Variants in SMYD3 observed in about 807,000 individuals in gnomAD.
SMYD3 encodes histone-lysine N-methyltransferase SMYD3.
In SMYD3, 36 loss-of-function variants were observed where a neutral mutation model predicts 57.7. That is an observed-to-expected ratio of 0.62 (90% CI 0.48 to 0.82). The LOEUF is 0.82. Ranked by LOEUF, SMYD3 falls within the 40% of genes least tolerant of loss-of-function variation. The pLI is 0.00. For synonymous variants in SMYD3, 211 were observed against 195.0 expected (o/e 1.08, Z -0.68); for missense variants, 515 against 538.8 (o/e 0.96, Z 0.44).
chr1:245,817,295 C>G (rs961545012), intron 10 of SMYD3, among the ~76,000 whole-genome samples: 3 of 136,814 alleles, frequency 2.2e-5, no homozygotes, highest in East Asian at 2.1e-4. Context: ...ACACTGACAC[C>G]TCACATGGCA....
intron 10 of SMYD3, among the ~76,000 whole-genome samples, chr1:245,823,856 G>A (rs1393365758): frequency 6.6e-6 from 1 of 152,130 alleles, no homozygotes; most frequent in Non-Finnish European, 1.5e-5. Flanking sequence ...ACTCTGGCAG[G>A]GTATCAGGTA....
chr1:246,177,467 A>G (rs2062453691), intron 5 of SMYD3, among the ~76,000 whole-genome samples: 1 of 152,242 alleles, frequency 6.6e-6, no homozygotes, highest in Admixed American at 6.5e-5. Flanking sequence ...ATCCCACTCT[A>G]TAGAAAAGCA....
At chr1:246,490,284 C>A (rs1572052327) in intron 1 of SMYD3, among the ~76,000 whole-genome samples, 1 of 152,198 alleles carries the variant, frequency 6.6e-6, no homozygotes, top group East Asian at 1.9e-4. Flanking sequence ...ATCAGTAGTA[C>A]CAACTAAGAG....
chr1:245,915,666 G>A (rs41305945), intron 7 of SMYD3, 26 bp from the exon 8 acceptor site: 47,636 of 1,420,486 alleles, frequency 0.034, 2,341 homozygotes, highest in African/African-American at 0.14. Flanking sequence ...AGAGGGAAGC[G>A]CTGAAACATC....
intron 4 of SMYD3, among the ~76,000 whole-genome samples, chr1:246,327,931 C>G (rs903249669): frequency 6.6e-6 from 1 of 152,202 alleles, no homozygotes; most frequent in Non-Finnish European, 1.5e-5. Context: ...CCGTGACTCA[C>G]GCCTGTAACC....
In SMYD3 at chr1:246,202,612, A is replaced by G. The variant is rs931251058; in HGVS notation, c.531+124589T>C. On this transcript the variant is annotated intron_variant, in intron 5 of 11. Transcript: ENST00000490107. The surrounding 1 kb of genome is among the most constrained non-coding windows in gnomAD (Gnocchi z 4.1). ...AATGTGACGTATTAAATCCACGCAC[A>G]GTCTCAGAAATGCAATTCCTCCTTG... 1.3e-5 allele frequency among the ~76,000 whole-genome samples: 2 copies of G among 151,968 alleles called. No individual in the cohort carries two copies. Among genetic ancestry groups the G allele is most frequent in the Non-Finnish European group, 2.9e-5 (2 of 67,998 alleles).
intron 5 of SMYD3, among the ~76,000 whole-genome samples, chr1:246,047,432 A>G (rs1470389666): frequency 6.6e-6 from 1 of 152,242 alleles, no homozygotes; most frequent in African/African-American, 2.4e-5. Flanking sequence ...TGTATAATAA[A>G]AAGGCATTAG....
chr1:245,749,712 T>C (rs1187933425), intron 11 of SMYD3, 48 bp from the exon 12 acceptor site: 1 of 1,470,166 alleles, frequency 6.8e-7, no homozygotes, highest in Non-Finnish European at 9.5e-7. Flanking sequence ...ATAGGTGAGC[T>C]CAGGCCATTC....
chr1:246,495,348 CAAAAAAA>C (rs11329443), intron 1 of SMYD3, among the ~76,000 whole-genome samples: 2 of 57,880 alleles, frequency 3.5e-5, no homozygotes, highest in Non-Finnish European at 5.9e-5. Flanking sequence ...GACTCCGTCT[CAAAAAAA>C]AAAAAAAAAA....
chr1:246,001,777 A>G lies in SMYD3; in HGVS notation c.532-71840T>C, dbSNP rs189154518. The stretch of plus-strand genomic sequence containing the variant: ...GCAGACCCTACAGTAAATAACATTC[A>G]CAGATGGTTCCTTTCTTTGAATATC... On this transcript the variant is annotated intron_variant, in intron 5 of 11. Coordinates refer to ENST00000490107, the MANE Select transcript of SMYD3 (RefSeq NM_001167740.2). Among the ~76,000 whole-genome samples, 76 of 152,322 alleles carry G rather than the reference A, an allele frequency of 5.0e-4. 2 individuals carry two copies.
At chr1:245,787,760 C>G (rs2047104381) in intron 10 of SMYD3, among the ~76,000 whole-genome samples, 1 of 152,016 alleles carries the variant, frequency 6.6e-6, no homozygotes, top group African/African-American at 2.4e-5. Context: ...AAATTTGAAA[C>G]AACACAACTA....
At chr1:245,823,766 C>G (rs2049310634) in intron 10 of SMYD3, among the ~76,000 whole-genome samples, 1 of 152,170 alleles carries the variant, frequency 6.6e-6, no homozygotes, top group Non-Finnish European at 1.5e-5. Context: ...GTGAGACCGC[C>G]AAATGAGGAA....
At chr1:246,357,520 C>T (rs1013720044) in intron 1 of SMYD3, among the ~76,000 whole-genome samples, 10 of 152,166 alleles carry the variant, frequency 6.6e-5, no homozygotes, top group African/African-American at 2.4e-4. Context: ...TATGGAGTAG[C>T]CATTCTTTTG....
intron 3 of SMYD3, 71 bp from the exon 4 acceptor site, chr1:246,330,608 T>C (rs1256500515): frequency 5.5e-6 from 7 of 1,274,314 alleles, no homozygotes; most frequent in South Asian, 1.6e-5. Flanking sequence ...TAAGTTTGAG[T>C]ACCTTTGTAT....
chr1:245,876,143 C>T (rs1209536021), intron 8 of SMYD3, among the ~76,000 whole-genome samples: 1 of 152,200 alleles, frequency 6.6e-6, no homozygotes, highest in Non-Finnish European at 1.5e-5. Flanking sequence ...TGCCCACATA[C>T]ACACACATCC....
chr1:246,117,430 A>G (rs2061357673), intron 5 of SMYD3, among the ~76,000 whole-genome samples: 1 of 152,196 alleles, frequency 6.6e-6, no homozygotes, highest in South Asian at 2.1e-4. Context: ...ATACCTCTCG[A>G]AGCCAGGTTT....
chr1:246,348,060 T>TTTTATATATATATATATATATATA (rs1553336532), intron 2 of SMYD3, among the ~76,000 whole-genome samples: 5 of 83,006 alleles, frequency 6.0e-5, no homozygotes, highest in Admixed American at 1.5e-4. Context: ...AAAGAAAACG[T>TTTTATATATATATATATATATATA]TATATATATA....
At chr1:245,982,232 T>C (rs1396231498) in intron 5 of SMYD3, among the ~76,000 whole-genome samples, 2 of 152,196 alleles carry the variant, frequency 1.3e-5, no homozygotes, top group African/African-American at 2.4e-5. Context: ...CCTTCTGGGC[T>C]TAAGTGATCC....
At chr1:245,871,487 A>C (rs1005168221) in intron 8 of SMYD3, among the ~76,000 whole-genome samples, 2 of 152,242 alleles carry the variant, frequency 1.3e-5, no homozygotes, top group African/African-American at 4.8e-5. Flanking sequence ...GTCAGTGGAC[A>C]TTATAGGCTG....
Sources: allele counts gnomAD v4.1 joint callset (sites outside exome capture counted in the v4.1 genomes callset), GRCh38; gene constraint gnomAD v4.1.1; non-coding constraint Gnocchi (gnomAD v3.1); transcripts MANE v1.5; gene names NCBI Gene and HGNC (gene_info 2026-07-23, HGNC 2026-07-21).